Variants in PKIB observed in about 807,000 individuals in gnomAD.
PKIB encodes the protein cAMP-dependent protein kinase inhibitor beta, also known as PKI-beta.
Under a neutral mutation model 4.5 loss-of-function variants are expected in PKIB, and 2 were observed. That is an observed-to-expected ratio of 0.44 (90% CI 0.18 to 1.39). The LOEUF (loss-of-function observed/expected upper bound fraction) is 1.39, where lower values mean the gene tolerates loss of function less well. Ranked by LOEUF, PKIB falls within the 40% of genes most tolerant of loss-of-function variation. PKIB has a pLI of 0.27. For missense variants in PKIB, 94 were observed against 92.6 expected, an observed-to-expected ratio of 1.02 and a Z score of -0.06; for synonymous variants, 38 against 36.0, an observed-to-expected ratio of 1.06 and a Z score of -0.20.
intron 2 of PKIB, among the ~76,000 whole-genome samples, chr6:122,669,830 A>T (rs1468368176): frequency 2.0e-5 from 3 of 152,014 alleles, no homozygotes; most frequent in African/African-American, 4.8e-5. Context: ...ACCACATTCC[A>T]TGGATTTTTC....
intron 3 of PKIB, among the ~76,000 whole-genome samples, chr6:122,708,941 C>A (rs1290176999): frequency 2.0e-5 from 3 of 152,180 alleles, no homozygotes; most frequent in African/African-American, 7.2e-5. Context: ...CTGCGTTAAT[C>A]TCTTTCTGCC....
At chr6:122,618,960 C>A (rs1190968046) in intron 1 of PKIB, among the ~76,000 whole-genome samples, 1 of 152,036 alleles carries the variant, frequency 6.6e-6, no homozygotes, top group Non-Finnish European at 1.5e-5. Flanking sequence ...AATACAGTTT[C>A]AAAAATTTGA....
At chr6:122,655,212 G>C (rs1419243444) in intron 2 of PKIB, among the ~76,000 whole-genome samples, 1 of 152,034 alleles carries the variant, frequency 6.6e-6, no homozygotes, top group South Asian at 2.1e-4. Flanking sequence ...ACATATTGAG[G>C]GCCTAAAAAT....
chr6:122,501,716 C>T (rs993271072), intron 2 of PKIB, among the ~76,000 whole-genome samples: 2 of 152,160 alleles, frequency 1.3e-5, no homozygotes, highest in East Asian at 1.9e-4. Flanking sequence ...CTACCAGGAA[C>T]GTCTCTGAAA....
At position 122,553,481 on chromosome 6, in the gene PKIB, C is replaced by CTTTT. The variant is rs533553939; in HGVS notation, c.-247-32421_-247-32418dup. Among the ~76,000 whole-genome samples, 199 of 65,764 alleles carry CTTTT rather than the reference C, an allele frequency of 3.0e-3. 27 individuals carry two copies. The highest frequency in any genetic ancestry group is 4.0e-3 in the African/African-American group (67 of 16,932). The allele number at this position is 65,764 out of a possible 152,430, so 43.1% of individuals were successfully genotyped here. A position where few individuals can be genotyped will look rare whatever the true frequency, so the allele number is the denominator to read the frequency against. On this transcript the variant is annotated intron_variant, in intron 2 of 6. Coordinates refer to the PKIB transcript ENST00000392491. Reference sequence around the variant, plus strand: ...TCTCTCAAGATTGCTCAAATATCTTCTTTTTTTTTTTTTTTTTTTTTTCTG... The same window carrying CTTTT: ...TCTCTCAAGATTGCTCAAATATCTTCTTTTTTTTTTTTTTTTTTTTTTTTTTCTG...
chr6:122,722,051 A>G (rs560497139), intron 4 of PKIB, among the ~76,000 whole-genome samples: 7 of 152,294 alleles, frequency 4.6e-5, no homozygotes, highest in African/African-American at 1.4e-4. Context: ...TTGAAAATAT[A>G]TTCGATTACA....
intron 2 of PKIB, among the ~76,000 whole-genome samples, chr6:122,583,884 G>T: frequency 6.6e-6 from 1 of 152,058 alleles, no homozygotes; most frequent in Non-Finnish European, 1.5e-5. Context: ...CCTTTTTTAT[G>T]CTGGGCTATG....
At chr6:122,725,040 G>A (rs1434888735) in intron 4 of PKIB, 88 bp from the exon 5 acceptor site, 7 of 1,045,070 alleles carry the variant, frequency 6.7e-6, no homozygotes, top group Non-Finnish European at 9.9e-6. Flanking sequence ...ATGGACGGTG[G>A]ACAAAGGAAA....
At chr6:122,657,377 C>T (rs1235363886) in intron 2 of PKIB, among the ~76,000 whole-genome samples, 1 of 152,132 alleles carries the variant, frequency 6.6e-6, no homozygotes, top group African/African-American at 2.4e-5. Context: ...ATTCCGTTGG[C>T]TTGCAATAGA....
intron 3 of PKIB, among the ~76,000 whole-genome samples, chr6:122,701,878 T>C (rs1004508046): frequency 2.0e-5 from 3 of 152,040 alleles, no homozygotes; most frequent in African/African-American, 7.2e-5. Context: ...GAGAAGAACA[T>C]TGCAGGGCAT....
upstream of PKIB, among the ~76,000 whole-genome samples, chr6:122,606,579 A>G (rs1055611583): frequency 6.6e-6 from 1 of 151,440 alleles, no homozygotes; most frequent in Admixed American, 6.6e-5. Context: ...CTCAAAAAAG[A>G]AAAAAAAAGC....
chr6:122,620,709 G>A (rs1012582676), intron 1 of PKIB, among the ~76,000 whole-genome samples: 11 of 152,144 alleles, frequency 7.2e-5, no homozygotes, highest in African/African-American at 1.9e-4. Context: ...TTGTTTGCTC[G>A]TGTTCCTATT....
chr6:122,511,001 T>C (rs1776568764), intron 2 of PKIB, among the ~76,000 whole-genome samples: 1 of 152,042 alleles, frequency 6.6e-6, no homozygotes, highest in African/African-American at 2.4e-5. Flanking sequence ...TTAGGGAGAC[T>C]GGGGGGATTG....
At chr6:122,567,764 A>T (rs1562254192) in intron 2 of PKIB, among the ~76,000 whole-genome samples, 2 of 152,240 alleles carry the variant, frequency 1.3e-5, no homozygotes, top group Non-Finnish European at 2.9e-5. Flanking sequence ...GTGTAAAGTG[A>T]TATAAAATAT....
intron 2 of PKIB, among the ~76,000 whole-genome samples, chr6:122,673,653 G>T (rs962420342): frequency 6.6e-6 from 1 of 152,148 alleles, no homozygotes; most frequent in African/African-American, 2.4e-5. Flanking sequence ...GGTAAAATAC[G>T]CATTCAGGCA....
chr6:122,607,475 G>T (rs1040231314), upstream of PKIB, among the ~76,000 whole-genome samples: 1 of 152,100 alleles, frequency 6.6e-6, no homozygotes, highest in African/African-American at 2.4e-5. Flanking sequence ...CCGAGATTGG[G>T]CCACTGCACT....
At chr6:122,534,258 G>A (rs931966512) in intron 2 of PKIB, among the ~76,000 whole-genome samples, 1 of 151,642 alleles carries the variant, frequency 6.6e-6, no homozygotes, top group African/African-American at 2.4e-5. Flanking sequence ...CCACAGCACA[G>A]GGAGATGGAC....
chr6:122,712,884 C>T (rs1779329217), intron 3 of PKIB, among the ~76,000 whole-genome samples: 1 of 152,130 alleles, frequency 6.6e-6, no homozygotes, highest in Admixed American at 6.6e-5. Context: ...TGCAAAACTT[C>T]TGTTTGTTTA....
At chr6:122,667,811 A>G (rs1777292560) in intron 2 of PKIB, among the ~76,000 whole-genome samples, 1 of 152,186 alleles carries the variant, frequency 6.6e-6, no homozygotes, top group Non-Finnish European at 1.5e-5. Context: ...AAAAAAGTAA[A>G]GAGAAGCTCT....
Sources: allele counts gnomAD v4.1 joint callset (sites outside exome capture counted in the v4.1 genomes callset), GRCh38; gene constraint gnomAD v4.1.1; transcripts MANE v1.5; gene names NCBI Gene and HGNC (gene_info 2026-07-23, HGNC 2026-07-21).